The following CEP170B variants were observed in gnomAD, a reference collection of about 807,000 sequenced individuals.
The protein encoded by CEP170B is centrosomal protein 170B.
CEP170B carries 55 observed loss-of-function variants against 120.6 expected under a neutral mutation model. The observed-to-expected ratio is 0.46, with a 90% CI of 0.37 to 0.57. CEP170B has a LOEUF of 0.57. Among genes scored for constraint, CEP170B ranks in the 20% least tolerant of loss-of-function variants. The pLI is 0.00. For synonymous variants in CEP170B, 1,033 were observed against 954.5 expected, an observed-to-expected ratio of 1.08 and a Z score of -1.52; for missense variants, 2,212 against 2,253.3, an observed-to-expected ratio of 0.98 and a Z score of 0.37.
In CEP170B at chr14:104,894,873, G is replaced by A. The variant is rs1170993061; in HGVS notation, c.4580G>A (p.Arg1527Lys). The A allele has an allele frequency of 3.1e-6, 5 of 1,607,968 alleles. No homozygotes were observed. Among genetic ancestry groups the A allele is most frequent in the African/African-American group, 2.7e-5 (2 of 74,778 alleles). Reference protein sequence around the residue: ...AEALLPALPLRNFPQRASCGP... With the variant: ...AEALLPALPLKNFPQRASCGP... ...GCCCTGCTGCCAGCCCTGCCCCTGA[G>A]GAATTTCCCACAGCGGGCCAGCTGT... The change falls in exon 19 of 19, where the codon AGG becomes AAG. Residue 1527 changes from arginine to lysine, a missense_variant. Arg to Lys is a conservative substitution (Grantham distance 26). Transcript: ENST00000414716.
At chr14:104,885,750 G>A (rs898606330) in intron 10 of CEP170B, among the ~76,000 whole-genome samples, 1 of 152,156 alleles carries the variant, frequency 6.6e-6, no homozygotes, top group Non-Finnish European at 1.5e-5. Context: ...TGGGCAAAAC[G>A]GGCTCTGAGG....
At position 104,872,479 on chromosome 14, in the gene CEP170B, G is replaced by GTGTGCCGTGTGTGTGC. The variant is rs546309373; in HGVS notation, c.106-3777_106-3776insTGTGCCGTGTGTGTGC. Among the ~76,000 whole-genome samples, 117 of 96,064 alleles carry GTGTGCCGTGTGTGTGC rather than the reference G, an allele frequency of 1.2e-3. 11 individuals are homozygous for GTGTGCCGTGTGTGTGC. The highest frequency in any genetic ancestry group is 4.6e-3 in the African/African-American group (115 of 24,828). 63.0% of individuals were successfully genotyped at this position (96,064 alleles called of 152,430 possible). On this transcript the variant is annotated intron_variant, in intron 2 of 18. Transcript: ENST00000414716. ...GTGCGTGTGGGTGTGCCGTGTGTGT[G>GTGTGCCGTGTGTGTGC]CGTGTGTGCCGTGTGTGTGTGCGTG...
Position 104,891,691 on chromosome 14 carries a change from G to A in CEP170B, c.3879-1285G>A, listed in dbSNP as rs1896861254. Among the ~76,000 whole-genome samples the A allele has an allele frequency of 1.3e-5, 2 of 152,112 alleles. No homozygotes were observed. Among genetic ancestry groups the A allele is most frequent in the African/African-American group, 4.8e-5 (2 of 41,396 alleles). On this transcript the variant is annotated intron_variant, in intron 13 of 18. Coordinates refer to ENST00000414716, the MANE Select transcript of CEP170B (RefSeq NM_001112726.3). This position sits in a 1 kb window ranked among gnomAD's most constrained non-coding sequence, Gnocchi z 4.3. ...GTGGGTGCTTCCAGGCCTGAGAGCA[G>A]AAGGGGATGTGGGGGGCCCATGTGG...
At chr14:104,889,039 G>A (rs1896659335) in intron 12 of CEP170B, among the ~76,000 whole-genome samples, 1 of 152,356 alleles carries the variant, frequency 6.6e-6, no homozygotes, top group Non-Finnish European at 1.5e-5. Context: ...CTGCCCAGGA[G>A]GGCGGAACCT....
rs1441764737 is a variant in CEP170B, at chr14:104,867,159, G to T, written c.-27-1265G>T. On this transcript the variant is annotated intron_variant, in intron 1 of 18. Transcript: ENST00000414716. This position sits in a 1 kb window ranked among gnomAD's most constrained non-coding sequence, Gnocchi z 5.4. ...TGGAGCCAGTGCTGGGCCCTTTAGG[G>T]ACTTCATCCCCTTCCAGGACTAGCC... Among the ~76,000 whole-genome samples the T allele has an allele frequency of 6.6e-6, 1 of 152,174 alleles. No homozygotes were observed.
At chr14:104,892,168 G>A (rs1303478714) in intron 13 of CEP170B, among the ~76,000 whole-genome samples, 2 of 152,078 alleles carry the variant, frequency 1.3e-5, no homozygotes, top group Non-Finnish European at 2.9e-5. Context: ...CTGGGCTGAA[G>A]GCCTAAGTGG....
Position 104,886,622 on chromosome 14 carries a change from G to T in CEP170B, c.2383G>T (p.Ala795Ser). The change falls in exon 12 of 19, where the codon GCC becomes TCC. Residue 795 changes from alanine (A) to serine (S), a missense_variant. Physicochemically the swap from Ala to Ser is moderately conservative, Grantham distance 99. Around this residue, in one of 2 missense-constraint regions of CEP170B, gnomAD observed 2,166 missense variants for 2,166.7 expected, o/e 1.00. Coordinates refer to ENST00000414716, the MANE Select transcript of CEP170B (RefSeq NM_001112726.3). ...SPRAPGEPTP[A>S]SFFIGDQNGD... Reference sequence around the variant, plus strand: ...AAGGGCCCCCGGGGAGCCAACTCCCGCCTCTTTCTTCATTGGGGACCAGAA... The same window carrying T: ...AAGGGCCCCCGGGGAGCCAACTCCCTCCTCTTTCTTCATTGGGGACCAGAA... 1 of 1,521,874 alleles carries T rather than the reference G, an allele frequency of 6.6e-7. No individual in the cohort carries two copies. Among genetic ancestry groups the T allele is most frequent in the Non-Finnish European group, 8.8e-7 (1 of 1,137,634 alleles). 94.3% of individuals were successfully genotyped at this position (1,521,874 alleles called of 1,614,324 possible). A position where few individuals can be genotyped will look rare whatever the true frequency, so the allele number is the denominator to read the frequency against.
In CEP170B at chr14:104,876,337, C is replaced by T; in HGVS notation, c.187C>T (p.Leu63Phe). ...GCACTGGGTGAAGGACCTGGGCAGC[C>T]TCAATGGGGTAAGTGTGAGAGGCCC... Reference protein sequence around the residue: ...DEHWVKDLGSLNGTFVNDMRI... With the variant: ...DEHWVKDLGSFNGTFVNDMRI... Residue 63 changes from leucine to phenylalanine, a missense_variant, in exon 3 of 19, where the codon CTC becomes TTC. Leu to Phe is a conservative substitution (Grantham distance 22). This residue lies in a region of CEP170B where 2,166 missense variants were observed against 2,166.7 expected (regional missense o/e 1.00). Transcript: ENST00000414716. 1 of 1,550,852 alleles carries T rather than the reference C, an allele frequency of 6.4e-7. No individual in the cohort carries two copies. Among genetic ancestry groups the T allele is most frequent in the Non-Finnish European group, 8.7e-7 (1 of 1,146,794 alleles).
Position 104,889,653 on chromosome 14 carries a change from G to A in CEP170B, c.3773G>A (p.Arg1258Gln), listed in dbSNP as rs375522520. 2.0e-5 allele frequency: 33 copies of A among 1,611,940 alleles called. No homozygotes were observed. Among genetic ancestry groups the A allele is most frequent in the African/African-American group, 1.1e-4 (8 of 74,896 alleles). The change falls in exon 13 of 19, where the codon CGG becomes CAG. Residue 1258 changes from arginine to glutamine, a missense_variant. Physicochemically the swap from Arg to Gln is conservative, Grantham distance 43. Transcript: ENST00000414716. The stretch of plus-strand genomic sequence containing the variant: ...ACCCCGAGGGCTGGCAGCTCCAGCC[G>A]GGCTCGTTCCCGGGCCCCCGGCCCC... ...TQTPRAGSSSRARSRAPGPRD... is the reference protein window; with the variant it reads ...TQTPRAGSSSQARSRAPGPRD...
chr14:104,894,829 C>A lies in CEP170B; in HGVS notation c.4536C>A (p.Pro1512=), dbSNP rs774696315. 42 of 1,605,692 alleles carry A rather than the reference C, an allele frequency of 2.6e-5. No individual in the cohort carries two copies. Among genetic ancestry groups the A allele is most frequent in the Admixed American group, 8.4e-5 (5 of 59,418 alleles). ...GCCGCGTGGCTGCCCAGAGCCCACC[C>A]TCACCCGCCTCAGCCGAGGCCCTGC... is the stretch of plus-strand genomic sequence containing the variant. ...GKGRVAAQSP[P]SPASAEALLP... Residue 1512 remains proline, a synonymous_variant, in exon 19 of 19, where the codon CCC becomes CCA. Transcript: ENST00000414716.
chr14:104,893,682 C>T lies in CEP170B; in HGVS notation c.4182+16C>T, dbSNP rs774361585. On this transcript the variant is annotated intron_variant, in intron 15 of 18. Coordinates refer to ENST00000414716, the MANE Select transcript of CEP170B (RefSeq NM_001112726.3). The stretch of plus-strand genomic sequence containing the variant: ...CCGAGAGGAGGCACGGTGCCCACTA[C>T]CGCCACGGAGCTGGGTGTGGGGGGA... 6.3e-7 allele frequency: 1 copy of T among 1,583,200 alleles called. No individual in the cohort carries two copies. The highest frequency in any genetic ancestry group is 1.1e-5 in the South Asian group (1 of 87,028).
At chr14:104,890,387 T>C (rs1444470622) in intron 13 of CEP170B, among the ~76,000 whole-genome samples, 2 of 112,586 alleles carry the variant, frequency 1.8e-5, no homozygotes, top group African/African-American at 3.9e-5. Flanking sequence ...GATGGATGGA[T>C]GAGTGGATGG....
chr14:104,866,870 G>A (rs535684439), intron 1 of CEP170B, among the ~76,000 whole-genome samples: 3 of 152,220 alleles, frequency 2.0e-5, no homozygotes, highest in Non-Finnish European at 2.9e-5. Context: ...CACTCAGCCC[G>A]GCAGCCTCCC....
intron 6 of CEP170B, 114 bp downstream of exon 6, chr14:104,880,539 C>A (rs1158571257): frequency 6.9e-7 from 1 of 1,440,820 alleles, no homozygotes; most frequent in Non-Finnish European, 9.3e-7. Context: ...CATGTACACC[C>A]ATACCCCTCA....
Position 104,886,497 on chromosome 14 carries a change from C to A in CEP170B, c.2258C>A (p.Ser753Ter). 6.6e-7 allele frequency: 1 copy of A among 1,511,476 alleles called. No homozygotes were observed. Among genetic ancestry groups the A allele is most frequent in the South Asian group, 1.3e-5 (1 of 74,472 alleles). 93.6% of individuals were successfully genotyped at this position (1,511,476 alleles called of 1,614,324 possible). ...DPDSLSDASG[S>*]DGGRGPEPGV... ...GACAGCCTCAGCGATGCCAGTGGGT[C>A]GGACGGGGGCCGAGGCCCCGAGCCA... Residue 753 changes from serine to a stop codon, truncating the protein, a stop_gained, in exon 12 of 19, where the codon TCG becomes TAG. Coordinates refer to ENST00000414716, the MANE Select transcript of CEP170B (RefSeq NM_001112726.3). LOFTEE classifies it high-confidence loss of function.
chr14:104,872,666 G>C (rs1895637400), intron 2 of CEP170B, among the ~76,000 whole-genome samples: 1 of 152,112 alleles, frequency 6.6e-6, no homozygotes, highest in Non-Finnish European at 1.5e-5. Flanking sequence ...CCACAGCCTG[G>C]GCAGGCCCTG....
intron 8 of CEP170B, 97 bp from the exon 9 acceptor site, chr14:104,883,734 T>A (rs1382798097): frequency 7.9e-7 from 1 of 1,268,034 alleles, no homozygotes; most frequent in African/African-American, 1.5e-5. Flanking sequence ...GGGTGCTTTG[T>A]CAACTCAGCT....
In CEP170B at chr14:104,882,753, G is replaced by C. The variant is rs747595268; in HGVS notation, c.498G>C (p.Leu166=). ...GTEAASYRTP[L]YGQPSWWGED... is the part of the protein sequence containing the mutation. ...AGGCAGCCTCTTACCGCACACCCCTGTATGGGCAGCCCTCCTGGTGGGGTG... is the reference window on the plus strand; with the variant it reads ...AGGCAGCCTCTTACCGCACACCCCTCTATGGGCAGCCCTCCTGGTGGGGTG... Residue 166 remains leucine, a synonymous_variant, in exon 7 of 19, where the codon CTG becomes CTC. Transcript: ENST00000414716. 1 of 1,612,284 alleles carries C rather than the reference G, an allele frequency of 6.2e-7. No homozygotes were observed. Among genetic ancestry groups the C allele is most frequent in the Non-Finnish European group, 8.5e-7 (1 of 1,179,666 alleles).
At chr14:104,876,167 G>C in intron 2 of CEP170B, 89 bp from the exon 3 acceptor site, 1 of 1,222,192 alleles carries the variant, frequency 8.2e-7, no homozygotes, top group Middle Eastern at 1.9e-4. Flanking sequence ...GTGTTGTGCT[G>C]GGGCAGGGGA....
Sources: gnomAD v4.1 joint callset for allele counts (sites outside exome capture counted in the v4.1 genomes callset) on GRCh38, gnomAD v4.1.1 for gene constraint, gnomAD v4.1.1 regional missense constraint, Gnocchi (gnomAD v3.1) non-coding constraint, MANE v1.5 for transcripts, NCBI Gene and HGNC (gene_info 2026-07-23, HGNC 2026-07-21) for gene names.